The following PCGF3 variants were observed in gnomAD, a reference collection of about 807,000 sequenced individuals.
PCGF3 encodes the protein polycomb group ring finger 3.
A neutral mutation model predicts 33.1 loss-of-function variants in PCGF3; 7 were observed. That is an observed-to-expected ratio of 0.21 (90% CI 0.12 to 0.40). The LOEUF (loss-of-function observed/expected upper bound fraction) is 0.40. Ranked by LOEUF, PCGF3 falls within the 10% of genes least tolerant of loss-of-function variation. The probability of loss-of-function intolerance (pLI) is 1.00; values close to 1 mark genes in which losing one functional copy is unlikely to be tolerated. For missense variants in PCGF3, 211 were observed against 313.3 expected, an observed-to-expected ratio of 0.67 and a Z score of 2.46; for synonymous variants, 153 against 121.3, an observed-to-expected ratio of 1.26 and a Z score of -1.72.
At chr4:765,529 G>A (rs557302224) in intron 10 of PCGF3, among the ~76,000 whole-genome samples, 1 of 152,362 alleles carries the variant, frequency 6.6e-6, no homozygotes, top group East Asian at 1.9e-4. Context: ...AGCTTGGAAG[G>A]TGCCAGCTGA....
intron 1 of PCGF3, among the ~76,000 whole-genome samples, chr4:708,281 G>A (rs1454794820): frequency 1.3e-5 from 2 of 152,132 alleles, no homozygotes; most frequent in Non-Finnish European, 2.9e-5. Context: ...ATGAGAGCTG[G>A]AACTTCCAGA....
chr4:734,052 C>T, intron 4 of PCGF3: 7 of 1,550,686 alleles, frequency 4.5e-6, no homozygotes, highest in Non-Finnish European at 6.1e-6. Context: ...CACGGAGCAG[C>T]AAGGCCAGTA....
chr4:738,625 G>T (rs1743944870), intron 6 of PCGF3, among the ~76,000 whole-genome samples: 1 of 151,718 alleles, frequency 6.6e-6, no homozygotes, highest in Admixed American at 6.6e-5. Flanking sequence ...CGAGGCGGGT[G>T]GATCATCAGG....
chr4:755,095 T>C (rs1197818681), intron 8 of PCGF3, among the ~76,000 whole-genome samples: 2 of 152,242 alleles, frequency 1.3e-5, no homozygotes, highest in Non-Finnish European at 2.9e-5. Context: ...ACGTACCCGC[T>C]TGATGGTGAC....
intron 6 of PCGF3, among the ~76,000 whole-genome samples, chr4:743,064 C>T (rs948292840): frequency 2.6e-5 from 4 of 152,252 alleles, no homozygotes; most frequent in African/African-American, 9.6e-5. Context: ...AGTCCACTGG[C>T]TCAGCCGTGA....
chr4:760,212 C>G (rs6857306), intron 8 of PCGF3, among the ~76,000 whole-genome samples: 1 of 152,194 alleles, frequency 6.6e-6, no homozygotes, highest in East Asian at 1.9e-4. Flanking sequence ...GAGGACTGCC[C>G]TTCACTGTTG....
chr4:731,529 G>A (rs543866598), intron 3 of PCGF3, among the ~76,000 whole-genome samples: 1 of 151,292 alleles, frequency 6.6e-6, no homozygotes, highest in African/African-American at 2.4e-5. Context: ...GGTGGGCGTG[G>A]CCCTCAGGGG....
chr4:764,138 T>C (rs1000791324), intron 9 of PCGF3, among the ~76,000 whole-genome samples: 1 of 152,036 alleles, frequency 6.6e-6, no homozygotes, highest in Non-Finnish European at 1.5e-5. Flanking sequence ...ACATCCGCTC[T>C]GGACTCGGTG....
At chr4:761,747 G>A (rs1298587641) in intron 9 of PCGF3, 1 of 985,336 alleles carries the variant, frequency 1.0e-6, no homozygotes, top group East Asian at 1.1e-4. Flanking sequence ...ATGGGCGGAT[G>A]CAGAGAGGGA....
chr4:765,224 G>A, intron 10 of PCGF3, 160 bp downstream of exon 10: 8 of 580,552 alleles, frequency 1.4e-5, no homozygotes, highest in South Asian at 1.4e-4. Context: ...ACGAGGTCAG[G>A]AGATCCAGAC....
At chr4:751,067 A>G (rs1051363569) in intron 8 of PCGF3, among the ~76,000 whole-genome samples, 2 of 151,924 alleles carry the variant, frequency 1.3e-5, no homozygotes, top group African/African-American at 4.8e-5. Context: ...TCCCCTCTCC[A>G]TGAGGGCTTG....
chr4:744,530 A>T, intron 7 of PCGF3, 70 bp from the exon 8 acceptor site: 3 of 1,126,588 alleles, frequency 2.7e-6, no homozygotes, highest in Non-Finnish European at 3.9e-6. Context: ...CATTTGGAGT[A>T]CAGTGTAGTT....
rs572930263 is a variant in PCGF3, at chr4:754,737, A to AG, written c.463-6541dup. 4.0e-3 allele frequency among the ~76,000 whole-genome samples: 610 copies of AG among 152,296 alleles called. 2 individuals are homozygous for AG. Among genetic ancestry groups the AG allele is most frequent in the Non-Finnish European group, 6.7e-3 (454 of 68,018 alleles). On this transcript the variant is annotated intron_variant, in intron 8 of 10. Coordinates refer to ENST00000362003, the Ensembl canonical transcript of PCGF3. ...GAGATCGGGGTGTGCTGTGGGATGC[A>AG]GCCTGGCGTGGCTTTATCCCCAGAG...
chr4:765,897 AGAAG>A (rs1745343362), intron 10 of PCGF3, 131 bp from the exon 11 acceptor site: 1 of 759,448 alleles, frequency 1.3e-6, no homozygotes, highest in African/African-American at 1.7e-5. Flanking sequence ...TGCTCAGAAC[AGAAG>A]GGTCTCTGTG....
At chr4:726,592 TCTC>T (rs967831924) in intron 1 of PCGF3, among the ~76,000 whole-genome samples, 1 of 152,202 alleles carries the variant, frequency 6.6e-6, no homozygotes, top group Non-Finnish European at 1.5e-5. Flanking sequence ...TCGTAAATCT[TCTC>T]CTCATCCACG....
intron 1 of PCGF3, among the ~76,000 whole-genome samples, chr4:719,759 C>T (rs867884045): frequency 3.3e-5 from 5 of 152,090 alleles, no homozygotes; most frequent in African/African-American, 4.8e-5. Flanking sequence ...GAACCAGGTG[C>T]GGAGACAAAG....
chr4:713,952 G>A (rs1008574294), intron 1 of PCGF3, among the ~76,000 whole-genome samples: 2 of 152,080 alleles, frequency 1.3e-5, no homozygotes, highest in African/African-American at 2.4e-5. Flanking sequence ...AAAAAAAATC[G>A]CAATACAGAA....
intron 8 of PCGF3, among the ~76,000 whole-genome samples, chr4:752,184 G>A (rs906868614): frequency 2.6e-5 from 4 of 152,216 alleles, no homozygotes; most frequent in African/African-American, 7.2e-5. Flanking sequence ...TGGCGAAGCC[G>A]CCTCTTCCAC....
At chr4:726,839 C>T (rs960251837) in intron 1 of PCGF3, among the ~76,000 whole-genome samples, 1 of 152,162 alleles carries the variant, frequency 6.6e-6, no homozygotes, top group Admixed American at 6.6e-5. Context: ...ACTTTTCACC[C>T]CCTGTCCAGT....
Sources: allele counts gnomAD v4.1 joint callset (sites outside exome capture counted in the v4.1 genomes callset), GRCh38; gene constraint gnomAD v4.1.1; transcripts MANE v1.5; gene names NCBI Gene and HGNC (gene_info 2026-07-23, HGNC 2026-07-21).